ANO3: variants seen among roughly 807,000 people sequenced by gnomAD.
ANO3 encodes the protein anoctamin 3.
Under a neutral mutation model 144.8 loss-of-function variants are expected in ANO3, and 99 were observed. The observed-to-expected ratio is 0.68, with a 90% CI of 0.58 to 0.81. The LOEUF (loss-of-function observed/expected upper bound fraction) is 0.81. Among genes scored for constraint, ANO3 ranks in the 30% least tolerant of loss-of-function variants. The pLI is 0.00. For synonymous variants in ANO3, 414 were observed against 392.6 expected (o/e 1.05, Z -0.64); for missense variants, 905 against 1,202.2 (o/e 0.75, Z 3.66).
At chr11:26,366,598 T>A (rs1273764795) in intron 1 of ANO3, among the ~76,000 whole-genome samples, 1 of 152,128 alleles carries the variant, frequency 6.6e-6, no homozygotes, top group African/African-American at 2.4e-5. Context: ...CCACCAACAG[T>A]GTAAAAGTGT....
rs189725685 is a variant in ANO3 at position 26,280,023 on chromosome 11, A to G, written c.155-29622A>G. Reference sequence around the variant, plus strand: ...AGTTTTCTCACTGCTTTAATGAAAAAGAGTTTTCAGGGGTTCTTATGCTAC... The same window carrying G: ...AGTTTTCTCACTGCTTTAATGAAAAGGAGTTTTCAGGGGTTCTTATGCTAC... On this transcript the variant is annotated intron_variant, in intron 1 of 27. Coordinates refer to the ANO3 transcript ENST00000672621. Among the ~76,000 whole-genome samples the G allele has an allele frequency of 9.2e-5, 14 of 152,308 alleles. No homozygotes were observed. The East Asian group carries it at 2.1e-3, about 23-fold the overall frequency.
chr11:26,599,917 A>G (rs1440171304), intron 17 of ANO3, among the ~76,000 whole-genome samples: 1 of 152,074 alleles, frequency 6.6e-6, no homozygotes, highest in African/African-American at 2.4e-5. Context: ...AATAAATGCT[A>G]ATTGTATTAT....
intron 1 of ANO3, among the ~76,000 whole-genome samples, chr11:26,194,650 G>A (rs1851549308): frequency 6.6e-6 from 1 of 151,912 alleles, no homozygotes; most frequent in Non-Finnish European, 1.5e-5. Flanking sequence ...ATAGCCATGG[G>A]CCACTACGCT....
chr11:26,275,057 C>A (rs1242559600), intron 1 of ANO3, among the ~76,000 whole-genome samples: 1 of 151,974 alleles, frequency 6.6e-6, no homozygotes, highest in Non-Finnish European at 1.5e-5. Flanking sequence ...TCAATATGGT[C>A]ATTGATTTCA....
rs967666628 is a variant in ANO3, at chr11:26,275,571, G to T, written c.155-34074G>T. ...CCCCCAAATGGAAAAACCATGAGGAGGTCCTCATCCCTCCTTTGAGGATGG... is the reference window on the plus strand; with the variant it reads ...CCCCCAAATGGAAAAACCATGAGGATGTCCTCATCCCTCCTTTGAGGATGG... On this transcript the variant is annotated intron_variant, in intron 1 of 27. Transcript: ENST00000672621. Among the ~76,000 whole-genome samples, 42 of 152,078 alleles carry T rather than the reference G, an allele frequency of 2.8e-4. 1 individual carries two copies. The highest frequency in any genetic ancestry group is 2.8e-3 in the Admixed American group (42 of 15,254).
chr11:26,465,738 T>C (rs963891226), intron 4 of ANO3, among the ~76,000 whole-genome samples: 12 of 151,912 alleles, frequency 7.9e-5, no homozygotes, highest in Admixed American at 3.9e-4. Context: ...ATCTGACTAA[T>C]TTACTAGGAG....
intron 4 of ANO3, among the ~76,000 whole-genome samples, chr11:26,496,178 A>T (rs958212018): frequency 4.6e-5 from 7 of 152,162 alleles, no homozygotes; most frequent in Non-Finnish European, 7.3e-5. Flanking sequence ...CCCTTGCATA[A>T]TTTGACCTCT....
chr11:26,436,488 A>G (rs72886263), intron 1 of ANO3, among the ~76,000 whole-genome samples: 7,972 of 152,240 alleles, frequency 0.052, 245 homozygotes, highest in African/African-American at 0.08. Flanking sequence ...AGGTATCAAC[A>G]GTGAAGCCTG....
At chr11:26,523,521 C>T (rs1384661140) in intron 6 of ANO3, among the ~76,000 whole-genome samples, 2 of 152,120 alleles carry the variant, frequency 1.3e-5, no homozygotes, top group Non-Finnish European at 2.9e-5. Context: ...ACAAAAGGCC[C>T]ATCGCATTTT....
At chr11:26,349,319 G>T (rs1314094684) in intron 1 of ANO3, among the ~76,000 whole-genome samples, 3 of 152,056 alleles carry the variant, frequency 2.0e-5, no homozygotes. Flanking sequence ...AGTAAAAACA[G>T]GTAATTTAAA....
At chr11:26,302,835 T>A (rs988886394) in intron 1 of ANO3, among the ~76,000 whole-genome samples, 1 of 152,126 alleles carries the variant, frequency 6.6e-6, no homozygotes, top group Non-Finnish European at 1.5e-5. Context: ...TATATAAAAT[T>A]TCCTAGTAAC....
At chr11:26,648,247 C>A (rs576011271) in intron 24 of ANO3, among the ~76,000 whole-genome samples, 2 of 152,050 alleles carry the variant, frequency 1.3e-5, no homozygotes, top group South Asian at 4.2e-4. Flanking sequence ...TGGAGCAGTG[C>A]TAGTTTGTGG....
chr11:26,432,464 T>C (rs969591354), intron 1 of ANO3, among the ~76,000 whole-genome samples: 15 of 152,194 alleles, frequency 9.9e-5, no homozygotes, highest in Admixed American at 7.2e-4. Context: ...ATCTTCATCA[T>C]AGAACTTTGC....
chr11:26,383,333 C>G (rs1856637489), intron 1 of ANO3, among the ~76,000 whole-genome samples: 1 of 151,890 alleles, frequency 6.6e-6, no homozygotes, highest in Non-Finnish European at 1.5e-5. Flanking sequence ...AAAGTATTCC[C>G]AAAGACCACT....
chr11:26,497,953 T>C (rs1234894273), intron 4 of ANO3, among the ~76,000 whole-genome samples: 2 of 152,044 alleles, frequency 1.3e-5, no homozygotes, highest in South Asian at 2.1e-4. Context: ...CATGTGATCA[T>C]TGGCAGAAGT....
chr11:26,631,509 T>C (rs1852779265), intron 18 of ANO3, among the ~76,000 whole-genome samples: 1 of 152,126 alleles, frequency 6.6e-6, no homozygotes, highest in African/African-American at 2.4e-5. Context: ...GACCTACCTA[T>C]CTATCCATCT....
intron 1 of ANO3, among the ~76,000 whole-genome samples, chr11:26,320,093 T>C (rs914008433): frequency 1.3e-5 from 2 of 152,284 alleles, no homozygotes; most frequent in East Asian, 3.9e-4. Flanking sequence ...GATGCAATGC[T>C]GATGGGGCAG....
At chr11:26,644,181 A>G (rs1462323270) in intron 23 of ANO3, among the ~76,000 whole-genome samples, 1 of 152,218 alleles carries the variant, frequency 6.6e-6, no homozygotes, top group East Asian at 1.9e-4. Flanking sequence ...TATGAAAATA[A>G]TAAAAGGAAC....
chr11:26,553,095 C>T (rs1427986593), intron 12 of ANO3, among the ~76,000 whole-genome samples, 154 bp from the exon 13 acceptor site: 1 of 146,122 alleles, frequency 6.8e-6, no homozygotes, highest in African/African-American at 2.5e-5. Context: ...TGGAGTCACA[C>T]CACAGTGCCC....
Sources: allele counts gnomAD v4.1 joint callset (sites outside exome capture counted in the v4.1 genomes callset), GRCh38; gene constraint gnomAD v4.1.1; transcripts MANE v1.5; gene names NCBI Gene and HGNC (gene_info 2026-07-23, HGNC 2026-07-21).